PKHD1: variants seen among roughly 807,000 people sequenced by gnomAD.
The protein encoded by PKHD1 is PKHD1 ciliary IPT domain containing fibrocystin/polyductin, also known as fibrocystin.
PKHD1 carries 291 observed loss-of-function variants against 412.0 expected under a neutral mutation model. The ratio of observed to expected loss-of-function variants is 0.71; its 90% CI spans 0.64 to 0.78. PKHD1 has a LOEUF of 0.78. Ranked by LOEUF, PKHD1 falls within the 30% of genes least tolerant of loss-of-function variation. The pLI is 0.00. For synonymous variants in PKHD1, 1,777 were observed against 1,821.5 expected (o/e 0.98, Z 0.62); for missense variants, 4,825 against 4,950.7 (o/e 0.97, Z 0.76).
intron 43 of PKHD1, among the ~76,000 whole-genome samples, chr6:51,895,661 G>A (rs1004692302): frequency 1.3e-5 from 2 of 152,230 alleles, no homozygotes; most frequent in East Asian, 1.9e-4. Context: ...GTCACCGGAG[G>A]AGCCAAGATG....
intron 63 of PKHD1, among the ~76,000 whole-genome samples, chr6:51,643,708 C>A (rs371913249): frequency 3.3e-5 from 5 of 151,832 alleles, no homozygotes; most frequent in African/African-American, 4.8e-5. Flanking sequence ...TTTTAAATTC[C>A]GGGATACATG....
At chr6:51,656,115 G>T (rs962480221) in intron 61 of PKHD1, among the ~76,000 whole-genome samples, 1 of 152,094 alleles carries the variant, frequency 6.6e-6, no homozygotes, top group African/African-American at 2.4e-5. Context: ...ATGATAGACT[G>T]GATAAAGAAA....
At chr6:51,872,316 T>C (rs973883559) in intron 46 of PKHD1, among the ~76,000 whole-genome samples, 6 of 151,970 alleles carry the variant, frequency 3.9e-5, no homozygotes, top group Non-Finnish European at 8.8e-5. Context: ...ATATTGAAAT[T>C]GCAAAACACC....
In PKHD1 at chr6:52,025,955, G is replaced by T. The variant is rs1298455445; in HGVS notation, c.3855C>A (p.Ser1285Arg). ...NRFFARGPSP[S>R]LVGKGFTFMY... ...TGAAGGTGAAGCCTTTCCCCACCAA[G>T]CTTGGTGAAGGACCACGGGCGAAGA... The change falls in exon 32 of 67, where the codon AGC (serine) becomes AGA (arginine). Residue 1285 changes from serine (S) to arginine (R), a missense_variant. Transcript: ENST00000371117. The T allele has an allele frequency of 6.2e-7, 1 of 1,614,026 alleles. No individual in the cohort carries two copies. The highest frequency in any genetic ancestry group is 8.5e-7 in the Non-Finnish European group (1 of 1,180,042).
At chr6:51,791,733 G>A (rs1278893378) in intron 52 of PKHD1, among the ~76,000 whole-genome samples, 3 of 152,200 alleles carry the variant, frequency 2.0e-5, no homozygotes, top group Non-Finnish European at 4.4e-5. Context: ...CAGAACAGTA[G>A]ACATGACATT....
intron 60 of PKHD1, among the ~76,000 whole-genome samples, chr6:51,670,254 A>C (rs528039237): frequency 6.6e-6 from 1 of 152,172 alleles, no homozygotes; most frequent in Admixed American, 6.5e-5. Flanking sequence ...ATATATATTT[A>C]GGATAGTTAG....
At chr6:51,762,141 A>G (rs1241345157) in intron 55 of PKHD1, among the ~76,000 whole-genome samples, 2 of 151,654 alleles carry the variant, frequency 1.3e-5, no homozygotes, top group Non-Finnish European at 2.9e-5. Context: ...CTCTATTTCC[A>G]CTCTTATCTC....
At position 52,025,126 on chromosome 6, in the gene PKHD1, A is replaced by G. The variant is rs1801945533; in HGVS notation, c.4684T>C (p.Ser1562Pro). ...TAGAAGTGTCTGGAAACATTACCAG[A>G]ACAAGCATACCCATTTCTTGTATAA... ...VFYTRNGYAC[S>P]GNVSRHFYIM... The change falls in exon 32 of 67, where the codon TCT becomes CCT. Residue 1562 changes from serine to proline, a missense_variant. Transcript: ENST00000371117. 1 of 1,614,062 alleles carries G rather than the reference A, an allele frequency of 6.2e-7. No individual in the cohort carries two copies. Among genetic ancestry groups the G allele is most frequent in the Non-Finnish European group, 8.5e-7 (1 of 1,180,030 alleles).
chr6:51,807,114 A>G lies in PKHD1; in HGVS notation c.8303-15741T>C, dbSNP rs1302435154. The stretch of plus-strand genomic sequence containing the variant: ...ATAGAAATCAGGGATGATCTCTACT[A>G]TAAAACTCTGTGTGTAAAAATATAT... On this transcript the variant is annotated intron_variant, in intron 52 of 66. Transcript: ENST00000371117. Among the ~76,000 whole-genome samples the G allele has an allele frequency of 2.6e-5, 4 of 152,040 alleles. No homozygotes were observed. In the East Asian group the frequency reaches 7.7e-4, roughly 29 times the overall value.
intron 50 of PKHD1, 99 bp downstream of exon 50, chr6:51,847,676 A>T: frequency 1.1e-6 from 1 of 894,126 alleles, no homozygotes. Flanking sequence ...TGTCCCTTTC[A>T]GTTCCTCAGC....
rs1785429518 is a variant in PKHD1, at chr6:51,747,876, A to G, written c.9740T>C (p.Val3247Ala). Residue 3247 changes from valine (V) to alanine (A), a missense_variant, in exon 58 of 67, where the codon GTA (valine) becomes GCA (alanine). Coordinates refer to ENST00000371117, the MANE Select transcript of PKHD1 (RefSeq NM_138694.4). Reference sequence around the variant, plus strand: ...CCACTGATTTGGTTCTGAGGTGAATACAGGCCACAGAATACCAATTCGACC... The same window carrying G: ...CCACTGATTTGGTTCTGAGGTGAATGCAGGCCACAGAATACCAATTCGACC... ...RGGRIGILWP[V>A]FTSEPNQWPQ... The G allele has an allele frequency of 3.1e-6, 5 of 1,613,918 alleles. No individual in the cohort carries two copies. Among genetic ancestry groups the G allele is most frequent in the Non-Finnish European group, 4.2e-6 (5 of 1,179,846 alleles).
At chr6:52,074,221 A>G (rs891612840) in intron 6 of PKHD1, among the ~76,000 whole-genome samples, 1 of 152,246 alleles carries the variant, frequency 6.6e-6, no homozygotes, top group Non-Finnish European at 1.5e-5. Flanking sequence ...CTTTATAGAC[A>G]CTGAATGCCA....
At chr6:52,044,042 C>G (rs1286492622) in intron 25 of PKHD1, among the ~76,000 whole-genome samples, 1 of 152,176 alleles carries the variant, frequency 6.6e-6, no homozygotes, top group Non-Finnish European at 1.5e-5. Context: ...CTTCTTATCA[C>G]TCTGTATTTC....
intron 43 of PKHD1, among the ~76,000 whole-genome samples, chr6:51,896,626 C>T (rs1337052201): frequency 1.1e-4 from 17 of 152,184 alleles, no homozygotes; most frequent in South Asian, 4.2e-4. Flanking sequence ...TCCAAAGGAA[C>T]GCAGTTCCTC....
intron 7 of PKHD1, 144 bp from the exon 8 acceptor site, chr6:52,072,333 G>A (rs1810746428): frequency 2.5e-5 from 17 of 690,624 alleles, no homozygotes; most frequent in South Asian, 4.7e-5. Context: ...GGCTGAAGGC[G>A]GATGTCAAGT....
intron 55 of PKHD1, among the ~76,000 whole-genome samples, chr6:51,759,517 T>C (rs1204784160): frequency 1.3e-5 from 2 of 151,802 alleles, no homozygotes; most frequent in Non-Finnish European, 2.9e-5. Context: ...ACTTGCACCA[T>C]ACAGAATGAA....
chr6:52,051,341 A>G (rs1448410340), intron 21 of PKHD1, among the ~76,000 whole-genome samples: 7 of 152,266 alleles, frequency 4.6e-5, no homozygotes, highest in Admixed American at 2.0e-4. Context: ...GAAGTTTCAT[A>G]GAGGACATTA....
At chr6:52,022,371 T>C (rs1439376628) in intron 33 of PKHD1, among the ~76,000 whole-genome samples, 3 of 152,216 alleles carry the variant, frequency 2.0e-5, no homozygotes, top group African/African-American at 7.2e-5. Flanking sequence ...TCAAGTGATA[T>C]CCAGCTTGAA....
At chr6:51,857,214 A>G (rs1415526778) in intron 48 of PKHD1, among the ~76,000 whole-genome samples, 1 of 149,220 alleles carries the variant, frequency 6.7e-6, no homozygotes. Flanking sequence ...CAAAATCCAA[A>G]AAAAAAAAAA....
Sources: allele counts gnomAD v4.1 joint callset (sites outside exome capture counted in the v4.1 genomes callset), GRCh38; gene constraint gnomAD v4.1.1; transcripts MANE v1.5; gene names NCBI Gene and HGNC (gene_info 2026-07-23, HGNC 2026-07-21).